The following RNF115 variants were observed in gnomAD, a reference collection of about 807,000 sequenced individuals.
The protein encoded by RNF115 is E3 ubiquitin-protein ligase RNF115.
In RNF115, 31 loss-of-function variants were observed where a neutral mutation model predicts 39.2. The ratio of observed to expected loss-of-function variants is 0.79; its 90% confidence interval spans 0.59 to 1.07. The LOEUF (loss-of-function observed/expected upper bound fraction) is 1.07. Ranked by LOEUF, RNF115 falls within the 50% of genes least tolerant of loss-of-function variation. RNF115 has a pLI of 0.00. For synonymous variants in RNF115, 124 were observed against 131.0 expected (o/e 0.95, Z 0.37); for missense variants, 384 against 381.7 (o/e 1.01, Z -0.05).
chr1:145,786,931 GC>G (rs1648408223), intron 2 of RNF115: 4 of 534,452 alleles, frequency 7.5e-6, no homozygotes, highest in Non-Finnish European at 1.3e-5. Flanking sequence ...TAGATCCCAT[GC>G]CACATATTGC....
At chr1:145,803,114 T>G (rs1446546065) in intron 1 of RNF115, among the ~76,000 whole-genome samples, 1 of 152,182 alleles carries the variant, frequency 6.6e-6, no homozygotes, top group East Asian at 1.9e-4. Flanking sequence ...GACATACCTC[T>G]CATTCATTAC....
rs1480449609 is a variant in RNF115, at chr1:145,817,621, G to C, written c.102+6151C>G. Among the ~76,000 whole-genome samples, 11 of 122,954 alleles carry C rather than the reference G, an allele frequency of 8.9e-5. 2 individuals carry two copies. The highest frequency in any genetic ancestry group is 2.9e-5 in the African/African-American group (1 of 34,548). The allele number at this position is 122,954 out of a possible 152,430, so 80.7% of individuals were successfully genotyped here. A position where few individuals can be genotyped will look rare whatever the true frequency, so the allele number is the denominator to read the frequency against. On this transcript the variant is annotated intron_variant, in intron 1 of 8. Coordinates refer to ENST00000582693, the MANE Select transcript of RNF115 (RefSeq NM_014455.4). ...TCTACACATATTTTTTTTGATTTTA[G>C]GTTTGGGGGCACATATGTACATTTG...
chr1:145,747,866 C>A, intron 8 of RNF115, 129 bp downstream of exon 8: 1 of 680,138 alleles, frequency 1.5e-6, no homozygotes, highest in Non-Finnish European at 2.6e-6. Flanking sequence ...AAGTTCCAAA[C>A]AAATAACAGT....
intron 1 of RNF115, among the ~76,000 whole-genome samples, chr1:145,794,603 A>C (rs1220599366): frequency 1.5e-5 from 2 of 133,846 alleles, no homozygotes; most frequent in African/African-American, 5.8e-5. Context: ...TGAAGTCCCC[A>C]CTTCACATGG....
At chr1:145,815,252 C>G (rs1439144230) in intron 1 of RNF115, among the ~76,000 whole-genome samples, 1 of 152,306 alleles carries the variant, frequency 6.6e-6, no homozygotes. Context: ...TTTATTAGAT[C>G]AAAGAAGATG....
chr1:145,788,673 C>T (rs1336427789), intron 2 of RNF115: 14 of 640,646 alleles, frequency 2.2e-5, no homozygotes, highest in East Asian at 6.2e-5. Flanking sequence ...AGGAGCAGTG[C>T]GTATCACCAC....
intron 2 of RNF115, among the ~76,000 whole-genome samples, chr1:145,788,538 A>T (rs918308702): frequency 5.3e-5 from 8 of 152,232 alleles, no homozygotes; most frequent in African/African-American, 1.9e-4. Flanking sequence ...ACCTTCAGAC[A>T]GCAGAGTGGT....
At chr1:145,765,189 G>A (rs1169864207) in intron 4 of RNF115, among the ~76,000 whole-genome samples, 2 of 152,190 alleles carry the variant, frequency 1.3e-5, no homozygotes, top group Non-Finnish European at 1.5e-5. Flanking sequence ...GGCGGTGCAA[G>A]ATGTGCTTTG....
intron 4 of RNF115, 58 bp downstream of exon 4, chr1:145,771,653 T>C (rs1647644220): frequency 7.3e-7 from 1 of 1,361,556 alleles, no homozygotes; most frequent in Non-Finnish European, 1.0e-6. Flanking sequence ...GATTAGATTA[T>C]ACCAATTTGT....
intron 3 of RNF115, among the ~76,000 whole-genome samples, chr1:145,776,096 G>T (rs1553716522): frequency 6.7e-6 from 1 of 149,812 alleles, no homozygotes; most frequent in African/African-American, 2.5e-5. Flanking sequence ...GGTAAGGGGG[G>T]GGCTACTGTA....
chr1:145,766,382 C>CCATGTCTACCTCTTTCTACA (rs1553714833), intron 4 of RNF115, among the ~76,000 whole-genome samples: 2 of 152,164 alleles, frequency 1.3e-5, no homozygotes, highest in Non-Finnish European at 2.9e-5. Context: ...GAAAAGTCTC[C>CCATGTCTACCTCTTTCTACA]CATGTCTACC....
chr1:145,782,256 T>C lies in RNF115; in HGVS notation c.219+2283A>G, dbSNP rs1648181359. Among the ~76,000 whole-genome samples, 3 of 152,190 alleles carry C rather than the reference T, an allele frequency of 2.0e-5. No homozygotes were observed. The South Asian group carries it at 6.2e-4, about 31-fold the overall frequency. On this transcript the variant is annotated intron_variant, in intron 3 of 8. Coordinates refer to ENST00000582693, the MANE Select transcript of RNF115 (RefSeq NM_014455.4). ...TTGCTCCACAACAAAATTAAGTTCC[T>C]TTCAGGCAAGGCAACCATGACATTT...
At chr1:145,804,239 A>G (rs1571775172) in intron 1 of RNF115, among the ~76,000 whole-genome samples, 1 of 152,220 alleles carries the variant, frequency 6.6e-6, no homozygotes, top group African/African-American at 2.4e-5. Context: ...AATCACCTAC[A>G]AAGTATATGC....
chr1:145,771,343 C>A (rs1474705934), intron 4 of RNF115, among the ~76,000 whole-genome samples: 1 of 152,176 alleles, frequency 6.6e-6, no homozygotes, highest in African/African-American at 2.4e-5. Context: ...AAGGCCCTCG[C>A]CAGATGTGGA....
At chr1:145,795,665 C>T (rs1203571238) in intron 1 of RNF115, among the ~76,000 whole-genome samples, 2 of 152,116 alleles carry the variant, frequency 1.3e-5, no homozygotes, top group African/African-American at 4.8e-5. Flanking sequence ...CTACAGCTCC[C>T]GCACAGGAAC....
At position 145,823,843 on chromosome 1, in the gene RNF115, A is replaced by G; in HGVS notation, c.31T>C (p.Ser11Pro). Reference sequence around the variant, plus strand: ...CGGTGGGCGGCTACAGCGGCGCCCGAGTCCGCCCCGGCCGCCGAAGCCTCC... The same window carrying G: ...CGGTGGGCGGCTACAGCGGCGCCCGGGTCCGCCCCGGCCGCCGAAGCCTCC... MAEASAAGAD[S>P]GAAVAAHRFF... The change falls in exon 1 of 9, where the codon TCG becomes CCG. Residue 11 changes from serine (S) to proline (P), a missense_variant. Transcript: ENST00000582693. 1 of 1,571,966 alleles carries G rather than the reference A, an allele frequency of 6.4e-7. No homozygotes were observed. Among genetic ancestry groups the G allele is most frequent in the Non-Finnish European group, 8.6e-7 (1 of 1,163,406 alleles).
rs1458927392 is a variant in RNF115 at position 145,741,443 on chromosome 1, A to C, written c.*5423T>G. ...CTCTATTTTGATCCTGGAAAGCATCACCAGCTGTATACATTGTATTCTATG... is the reference window on the plus strand; with the variant it reads ...CTCTATTTTGATCCTGGAAAGCATCCCCAGCTGTATACATTGTATTCTATG... On this transcript the variant is annotated 3_prime_UTR_variant, in exon 9 of 9. Coordinates refer to ENST00000582693, the MANE Select transcript of RNF115 (RefSeq NM_014455.4). 1 of 152,226 alleles carries C rather than the reference A, an allele frequency of 6.6e-6. No individual in the cohort carries two copies. The highest frequency in any genetic ancestry group is 2.4e-5 in the African/African-American group (1 of 41,440). 9.4% of individuals were successfully genotyped at this position (152,226 alleles called of 1,614,324 possible). A position where few individuals can be genotyped will look rare whatever the true frequency, so the allele number is the denominator to read the frequency against.
At chr1:145,798,701 T>C (rs1217669891) in intron 1 of RNF115, among the ~76,000 whole-genome samples, 1 of 152,180 alleles carries the variant, frequency 6.6e-6, no homozygotes, top group Non-Finnish European at 1.5e-5. Flanking sequence ...GCAAAAAAAA[T>C]GCTGTTGGGA....
chr1:145,766,073 A>G (rs1318234052), intron 4 of RNF115, among the ~76,000 whole-genome samples: 8 of 151,888 alleles, frequency 5.3e-5, no homozygotes, highest in African/African-American at 1.9e-4. Context: ...TCATAGGACA[A>G]TAGTGGAGGG....
Sources: allele counts gnomAD v4.1 joint callset (sites outside exome capture counted in the v4.1 genomes callset), GRCh38; gene constraint gnomAD v4.1.1; transcripts MANE v1.5; gene names NCBI Gene and HGNC (gene_info 2026-07-23, HGNC 2026-07-21).